AP2B1: variants seen among roughly 807,000 people sequenced by gnomAD.
The protein encoded by AP2B1 is adaptor related protein complex 2 subunit beta 1.
In AP2B1, 23 loss-of-function variants were observed where a neutral mutation model predicts 102.0. The observed-to-expected ratio is 0.23, with a 90% CI of 0.16 to 0.32. The LOEUF is 0.32. Ranked by LOEUF, AP2B1 falls within the 10% of genes least tolerant of loss-of-function variation. AP2B1 has a pLI of 1.00. For synonymous variants in AP2B1, 381 were observed against 421.2 expected (o/e 0.90, Z 1.17); for missense variants, 541 against 1,157.4 (o/e 0.47, Z 7.73).
At chr17:35,657,487 C>T in intron 13 of AP2B1, 112 bp from the exon 14 acceptor site, 1 of 716,690 alleles carries the variant, frequency 1.4e-6, no homozygotes, top group South Asian at 3.0e-5. Context: ...GAGTTTTTCC[C>T]CCTTGTATTT....
At chr17:35,707,620 T>C (rs1172388472) in intron 18 of AP2B1, among the ~76,000 whole-genome samples, 2 of 152,014 alleles carry the variant, frequency 1.3e-5, no homozygotes, top group Non-Finnish European at 2.9e-5. Flanking sequence ...GCCCAGCTAA[T>C]TTTTGTATTT....
In AP2B1 at chr17:35,599,779, A is replaced by C. The variant is rs141646710; in HGVS notation, c.143+1444A>C. 6.4e-3 allele frequency among the ~76,000 whole-genome samples: 969 copies of C among 152,150 alleles called. 13 individuals are homozygous for C. The highest frequency in any genetic ancestry group is 0.022 in the African/African-American group (903 of 41,524). On this transcript the variant is annotated intron_variant, in intron 3 of 21. Coordinates refer to ENST00000610402, the MANE Select transcript of AP2B1 (RefSeq NM_001030006.2). Reference sequence around the variant, plus strand: ...AAAAAAATTAGCCGGGCATGGTGGCATGTGCCTGTAATCCCAGCTACTCTA... The same window carrying C: ...AAAAAAATTAGCCGGGCATGGTGGCCTGTGCCTGTAATCCCAGCTACTCTA...
At chr17:35,660,201 G>A (rs886100548) in intron 14 of AP2B1, 2 of 468,868 alleles carry the variant, frequency 4.3e-6, no homozygotes, top group Non-Finnish European at 5.6e-6. Flanking sequence ...GGCTCATCTT[G>A]AACTCCTGGG....
At chr17:35,592,620 G>A (rs2073138141) in intron 1 of AP2B1, among the ~76,000 whole-genome samples, 1 of 152,144 alleles carries the variant, frequency 6.6e-6, no homozygotes, top group Non-Finnish European at 1.5e-5. Flanking sequence ...TCGGCTTACT[G>A]CAGCTTCCGC....
intron 3 of AP2B1, among the ~76,000 whole-genome samples, chr17:35,601,838 C>T (rs2073497379): frequency 1.3e-5 from 2 of 149,336 alleles, no homozygotes; most frequent in Admixed American, 6.7e-5. Context: ...AGCGCAATGG[C>T]GTGATCTTGG....
chr17:35,670,089 G>A (rs1019649262), intron 14 of AP2B1, among the ~76,000 whole-genome samples: 15 of 152,188 alleles, frequency 9.9e-5, no homozygotes, highest in African/African-American at 3.4e-4. Flanking sequence ...CTAAGACCAT[G>A]TGGAGTTATT....
At chr17:35,604,426 G>C (rs2073594838) in intron 3 of AP2B1, among the ~76,000 whole-genome samples, 1 of 151,256 alleles carries the variant, frequency 6.6e-6, no homozygotes, top group South Asian at 2.1e-4. Flanking sequence ...TTTTGTTTTT[G>C]TGTGTTTTTT....
chr17:35,611,082 T>C (rs1165042665), intron 5 of AP2B1, among the ~76,000 whole-genome samples: 1 of 152,010 alleles, frequency 6.6e-6, no homozygotes, highest in African/African-American at 2.4e-5. Flanking sequence ...CTCAAAAATA[T>C]AGAAAAATAA....
At chr17:35,696,633 C>T (rs916644712) in intron 18 of AP2B1, among the ~76,000 whole-genome samples, 1 of 151,954 alleles carries the variant, frequency 6.6e-6, no homozygotes, top group Admixed American at 6.6e-5. Flanking sequence ...AAGTGATCTG[C>T]CCACCTCAGC....
chr17:35,691,616 A>G (rs1046785517), intron 18 of AP2B1, among the ~76,000 whole-genome samples: 1 of 152,220 alleles, frequency 6.6e-6, no homozygotes, highest in Non-Finnish European at 1.5e-5. Flanking sequence ...TGAATAGATA[A>G]TGAGTCCTTG....
chr17:35,690,671 A>G (rs1008679908), intron 18 of AP2B1, among the ~76,000 whole-genome samples: 7 of 152,196 alleles, frequency 4.6e-5, no homozygotes, highest in African/African-American at 1.7e-4. Context: ...AGGTGCTACC[A>G]GTCCTAAGCC....
chr17:35,632,168 T>A (rs114895583), intron 9 of AP2B1, among the ~76,000 whole-genome samples: 2,113 of 151,964 alleles, frequency 0.014, 52 homozygotes, highest in African/African-American at 0.045. Context: ...GAGTCTTGAC[T>A]TGTCGCCCAG....
intron 19 of AP2B1, 39 bp from the exon 20 acceptor site, chr17:35,710,195 T>A: frequency 7.0e-7 from 1 of 1,419,380 alleles, no homozygotes; most frequent in Non-Finnish European, 1.0e-6. Flanking sequence ...TACTGACAGC[T>A]TATGCACATC....
chr17:35,671,777 A>G lies in AP2B1; in HGVS notation c.2055A>G (p.Ser685=). ...AGGTGGGACAATCCTTCATCCCATC[A>G]TCGGTGCCTGCAACCTTTGCTCCTT... ...SPAVGQSFIP[S]SVPATFAPSP... is the part of the protein sequence containing the mutation. The change falls in exon 16 of 22, where the codon TCA becomes TCG. Residue 685 remains serine, a synonymous_variant. Transcript: ENST00000610402. 3 of 1,613,324 alleles carry G rather than the reference A, an allele frequency of 1.9e-6. No homozygotes were observed. Among genetic ancestry groups the G allele is most frequent in the Non-Finnish European group, 2.5e-6 (3 of 1,179,764 alleles).
intron 10 of AP2B1, among the ~76,000 whole-genome samples, chr17:35,639,152 G>A (rs2074695188): frequency 6.6e-6 from 1 of 152,062 alleles, no homozygotes; most frequent in African/African-American, 2.4e-5. Context: ...AACATAGCAA[G>A]ACCCCCATCT....
chr17:35,680,695 T>TGTTG lies in AP2B1; in HGVS notation c.2325-2000_2325-1999insGTTG, dbSNP rs55953302. On this transcript the variant is annotated intron_variant, in intron 17 of 21. Coordinates refer to ENST00000610402, the MANE Select transcript of AP2B1 (RefSeq NM_001030006.2). ...CCAGTCTATGGTTTTGGTTTTTTTT[T>TGTTG]TTTTGTTTTTTTTTTTTTTTTCAGA... Among the ~76,000 whole-genome samples, 135 of 99,136 alleles carry TGTTG rather than the reference T, an allele frequency of 1.4e-3. 1 individual carries two copies. Among genetic ancestry groups the TGTTG allele is most frequent in the African/African-American group, 4.5e-3 (113 of 25,072 alleles). The allele number at this position is 99,136 out of a possible 152,430, so 65.0% of individuals were successfully genotyped here.
At chr17:35,691,325 C>T (rs1042103559) in intron 18 of AP2B1, among the ~76,000 whole-genome samples, 2 of 152,176 alleles carry the variant, frequency 1.3e-5, no homozygotes, top group Non-Finnish European at 2.9e-5. Context: ...CAGTCAGTTG[C>T]AGATGGTGCT....
At chr17:35,683,453 C>G (rs902140938) in intron 18 of AP2B1, among the ~76,000 whole-genome samples, 2 of 152,178 alleles carry the variant, frequency 1.3e-5, no homozygotes, top group Non-Finnish European at 2.9e-5. Flanking sequence ...TGGAGGTTAT[C>G]ATTGAACATT....
chr17:35,615,261 G>C (rs2073981715), intron 5 of AP2B1, among the ~76,000 whole-genome samples: 2 of 152,096 alleles, frequency 1.3e-5, no homozygotes, highest in Non-Finnish European at 2.9e-5. Flanking sequence ...GTAAAACTGA[G>C]GTAATAATGC....
Sources: gnomAD v4.1 joint callset for allele counts (sites outside exome capture counted in the v4.1 genomes callset) on GRCh38, gnomAD v4.1.1 for gene constraint, MANE v1.5 for transcripts, NCBI Gene and HGNC (gene_info 2026-07-23, HGNC 2026-07-21) for gene names.